The following CAMSAP3 variants were observed in gnomAD, a reference collection of about 807,000 sequenced individuals.
CAMSAP3 encodes the protein calmodulin regulated spectrin associated protein family member 3.
A neutral mutation model predicts 112.5 loss-of-function variants in CAMSAP3; 34 were observed. That is an observed-to-expected ratio of 0.30 (90% confidence interval 0.23 to 0.40). The LOEUF (loss-of-function observed/expected upper bound fraction) is 0.40. Among genes scored for constraint, CAMSAP3 ranks in the 10% least tolerant of loss-of-function variants. CAMSAP3 has a pLI of 1.00. For missense variants in CAMSAP3, 1,602 were observed against 1,770.3 expected, an observed-to-expected ratio of 0.90 and a Z score of 1.71; for synonymous variants, 868 against 799.8, an observed-to-expected ratio of 1.09 and a Z score of -1.44.
chr19:7,610,731 T>A lies in CAMSAP3; in HGVS notation c.932T>A (p.Phe311Tyr). ...VNLVVMLAEL[F>Y]MCFEVLKPDF... ...TTGGTGGTGATGCTGGCCGAGTTGT[T>A]CATGTGTTTTGAGGTGCTCAAGCCC... The change falls in exon 7 of 17, where the codon TTC (phenylalanine) becomes TAC (tyrosine). Residue 311 changes from phenylalanine to tyrosine, a missense_variant. This residue lies in a region of CAMSAP3 where 1,100 missense variants were observed against 1,135.7 expected (regional missense o/e 0.97). Transcript: ENST00000160298. The surrounding 1 kb of genome is among the most constrained non-coding windows in gnomAD (Gnocchi z 4.9). The A allele has an allele frequency of 6.2e-7, 1 of 1,614,022 alleles. No individual in the cohort carries two copies. Among genetic ancestry groups the A allele is most frequent in the Non-Finnish European group, 8.5e-7 (1 of 1,180,004 alleles).
At chr19:7,598,058 T>C (rs775628914) in intron 1 of CAMSAP3, among the ~76,000 whole-genome samples, 1 of 152,102 alleles carries the variant, frequency 6.6e-6, no homozygotes, top group Non-Finnish European at 1.5e-5. Flanking sequence ...ACCTATCAGG[T>C]GCTGGGCTGG....
At position 7,617,375 on chromosome 19, in the gene CAMSAP3, C is replaced by A. The variant is rs764541695; in HGVS notation, c.3262C>A (p.Arg1088Ser). The A allele has an allele frequency of 3.1e-6, 5 of 1,614,022 alleles. No homozygotes were observed. Among genetic ancestry groups the A allele is most frequent in the Non-Finnish European group, 4.2e-6 (5 of 1,180,022 alleles). The part of the protein sequence containing the change: ...LMSPSRLPGS[R>S]ERDWENGSNA... ...GTCCCCAAGCCGCCTGCCTGGAAGC[C>A]GCGAACGGGACTGGGAAAATGGCAG... Residue 1088 changes from arginine to serine, a missense_variant, in exon 15 of 17, where the codon CGC becomes AGC. Physicochemically the swap from Arg to Ser is moderately radical, Grantham distance 110. Coordinates refer to ENST00000160298, the MANE Select transcript of CAMSAP3 (RefSeq NM_020902.2). The surrounding 1 kb of genome is among the most constrained non-coding windows in gnomAD (Gnocchi z 7.5).
intron 1 of CAMSAP3, among the ~76,000 whole-genome samples, chr19:7,598,188 C>T (rs2024476283): frequency 6.6e-6 from 1 of 152,058 alleles, no homozygotes; most frequent in Non-Finnish European, 1.5e-5. Context: ...TTGAAATCTT[C>T]CAGGGAGGGA....
chr19:7,604,252 T>C (rs2030096614), intron 1 of CAMSAP3, among the ~76,000 whole-genome samples: 1 of 152,142 alleles, frequency 6.6e-6, no homozygotes, highest in Non-Finnish European at 1.5e-5. Context: ...CTCTCCACTC[T>C]TGGTCCTACG....
rs2030578846 is a variant in CAMSAP3 at position 7,612,861 on chromosome 19, C to T, written c.2368C>T (p.Arg790Trp). 2.5e-6 allele frequency: 4 copies of T among 1,599,826 alleles called. No homozygotes were observed. In the Admixed American group the frequency reaches 6.7e-5, roughly 27 times the overall value. ...SPKHTRPAELRLAPLTRVLTP... is the reference protein window; with the variant it reads ...SPKHTRPAELWLAPLTRVLTP... Reference sequence around the variant, plus strand: ...GAAACACACGCGGCCAGCGGAGCTGCGGCTGGCACCCTTGACCAGGGTGCT... The same window carrying T: ...GAAACACACGCGGCCAGCGGAGCTGTGGCTGGCACCCTTGACCAGGGTGCT... Residue 790 changes from arginine (R) to tryptophan (W), a missense_variant, in exon 11 of 17, where the codon CGG (arginine) becomes TGG (tryptophan). By Grantham distance (101) the Arg-to-Trp change is moderately radical. Around this residue, in one of 6 missense-constraint regions of CAMSAP3, gnomAD observed 1,100 missense variants for 1,135.7 expected, o/e 0.97. Coordinates refer to ENST00000160298, the MANE Select transcript of CAMSAP3 (RefSeq NM_020902.2).
rs777051660 is a variant in CAMSAP3, at chr19:7,617,448, G to A, written c.3325+10G>A. 11 of 1,613,016 alleles carry A rather than the reference G, an allele frequency of 6.8e-6. No individual in the cohort carries two copies. The highest frequency in any genetic ancestry group is 8.5e-6 in the Non-Finnish European group (10 of 1,179,196). The stretch of plus-strand genomic sequence containing the variant: ...GTGCCCGAGTACACAGGTAAGCAGG[G>A]GCTCTGGGTGATGTGAGGAGCAACA... On this transcript the variant is annotated intron_variant, in intron 15 of 16. Transcript: ENST00000160298. The surrounding 1 kb of genome is among the most constrained non-coding windows in gnomAD (Gnocchi z 7.5).
intron 11 of CAMSAP3, among the ~76,000 whole-genome samples, chr19:7,614,332 T>G (rs1432169205): frequency 5.8e-5 from 8 of 137,326 alleles, no homozygotes; most frequent in Non-Finnish European, 1.1e-4. Flanking sequence ...CATTTTTTTT[T>G]TTTGTTTTGT....
rs2030903121 is a variant in CAMSAP3, at chr19:7,617,953, G to A, written c.3646G>A (p.Ala1216Thr). 3 of 1,614,088 alleles carry A rather than the reference G, an allele frequency of 1.9e-6. No individual in the cohort carries two copies. Among genetic ancestry groups the A allele is most frequent in the Non-Finnish European group, 1.7e-6 (2 of 1,180,024 alleles). ...CCGCAAGCGCTTCACCCAGATCCCC[G>A]CCAAGACCATGTCCATGAGCGTCGA... ...SDRKRFTQIP[A>T]KTMSMSVDAF... The change falls in exon 17 of 17, where the codon GCC becomes ACC. Residue 1216 changes from alanine (A) to threonine (T), a missense_variant. Around this residue, in one of 6 missense-constraint regions of CAMSAP3, gnomAD observed 150 missense variants for 207.6 expected, o/e 0.72. Transcript: ENST00000160298. The surrounding 1 kb of genome is among the most constrained non-coding windows in gnomAD (Gnocchi z 7.5).
chr19:7,605,424 CTT>C lies in CAMSAP3; in HGVS notation c.349_350del (p.Leu117AlafsTer25). On this transcript the variant is annotated frameshift_variant, in exon 2 of 17. Coordinates refer to ENST00000160298, the MANE Select transcript of CAMSAP3 (RefSeq NM_020902.2). LOFTEE classifies it high-confidence loss of function. Reference sequence around the variant, plus strand: ...CTGGCGCGGAGGGGCACAGTGCCTGCTTTGCCCGAGCGCCCGGTGCGCGAGGC... The same window carrying C: ...CTGGCGCGGAGGGGCACAGTGCCTGCTGCCCGAGCGCCCGGTGCGCGAGGC... 6.8e-7 allele frequency: 1 copy of C among 1,472,292 alleles called. No homozygotes were observed. Among genetic ancestry groups the C allele is most frequent in the Non-Finnish European group, 9.0e-7 (1 of 1,108,240 alleles). 91.2% of individuals were successfully genotyped at this position (1,472,292 alleles called of 1,614,324 possible).
Position 7,602,122 on chromosome 19 carries a change from G to A in CAMSAP3, c.149-3104G>A, listed in dbSNP as rs944771636. Reference sequence around the variant, plus strand: ...AGTATAAGGCAGTGGTTCTCAACTGGTGATGATTTTGACACTTAATTGACA... The same window carrying A: ...AGTATAAGGCAGTGGTTCTCAACTGATGATGATTTTGACACTTAATTGACA... On this transcript the variant is annotated intron_variant, in intron 1 of 16. Transcript: ENST00000160298. 2.6e-5 allele frequency among the ~76,000 whole-genome samples: 4 copies of A among 152,296 alleles called. No homozygotes were observed. In the South Asian group the frequency reaches 8.3e-4, roughly 32 times the overall value.
In CAMSAP3 at chr19:7,595,886, GGCGGCGGCGGCGGCA is replaced by G. The variant is rs2146147639; in HGVS notation, c.-109_-95del. ...CCGCACCTGGCTCAGCAGCGGCGGCGGCGGCGGCGGCGGCAGCGGCGGTAGCAGCAGCGGGCCCGG... is the reference window on the plus strand; with the variant it reads ...CCGCACCTGGCTCAGCAGCGGCGGCGGCGGCGGTAGCAGCAGCGGGCCCGG... On this transcript the variant is annotated 5_prime_UTR_variant, in exon 1 of 17. Transcript: ENST00000160298. 5.0e-6 allele frequency: 2 copies of G among 402,048 alleles called. No homozygotes were observed. The highest frequency in any genetic ancestry group is 9.6e-5 in the South Asian group (1 of 10,468). 24.9% of individuals were successfully genotyped at this position (402,048 alleles called of 1,614,324 possible). A position where few individuals can be genotyped will look rare whatever the true frequency, so the allele number is the denominator to read the frequency against.
At chr19:7,606,156 A>ACCCCCCCCCC (rs57108239) in intron 2 of CAMSAP3, 115 bp from the exon 3 acceptor site, 5 of 227,818 alleles carry the variant, frequency 2.2e-5, no homozygotes, top group East Asian at 1.1e-4. Flanking sequence ...CTCAAGCCCC[A>ACCCCCCCCCC]CCCCCCCCGT....
Position 7,610,403 on chromosome 19 carries a change from C to G in CAMSAP3, c.761-73C>G. On this transcript the variant is annotated intron_variant, in intron 5 of 16. Coordinates refer to ENST00000160298, the MANE Select transcript of CAMSAP3 (RefSeq NM_020902.2). The surrounding 1 kb of genome is among the most constrained non-coding windows in gnomAD (Gnocchi z 4.9). ...GAGGTCTTCCGTGTGTGGGGGACTG[C>G]TGGTCCCTGGCTTCCCTGGGGCCCC... 13 of 1,423,574 alleles carry G rather than the reference C, an allele frequency of 9.1e-6. No individual in the cohort carries two copies. The highest frequency in any genetic ancestry group is 1.8e-4 in the Middle Eastern group (1 of 5,458). The allele number at this position is 1,423,574 out of a possible 1,614,324, so 88.2% of individuals were successfully genotyped here.
intron 1 of CAMSAP3, among the ~76,000 whole-genome samples, chr19:7,602,473 T>A (rs2030010020): frequency 6.6e-6 from 1 of 152,142 alleles, no homozygotes. Context: ...GAGCAAGACG[T>A]GCCCAAGGCC....
In CAMSAP3 at chr19:7,612,810, G is replaced by T; in HGVS notation, c.2317G>T (p.Gly773Trp). 6.5e-7 allele frequency: 1 copy of T among 1,546,708 alleles called. No individual in the cohort carries two copies. Among genetic ancestry groups the T allele is most frequent in the East Asian group, 2.5e-5 (1 of 40,738 alleles). Residue 773 changes from glycine to tryptophan, a missense_variant, in exon 11 of 17, where the codon GGG (glycine) becomes TGG (tryptophan). Physicochemically the swap from Gly to Trp is radical, Grantham distance 184. Coordinates refer to ENST00000160298, the MANE Select transcript of CAMSAP3 (RefSeq NM_020902.2). ...GGCCACCCGGCGCAGCCCTGGGCCC[G>T]GGCCCAGCCAGTCACCCCGCAGCCC... ...VPATRRSPGP[G>W]PSQSPRSPKH...
intron 1 of CAMSAP3, among the ~76,000 whole-genome samples, chr19:7,601,076 C>T (rs925673086): frequency 4.6e-5 from 7 of 151,940 alleles, no homozygotes; most frequent in African/African-American, 1.7e-4. Context: ...TGATCAGAAC[C>T]AAGATGTGCT....
In CAMSAP3 at chr19:7,612,773, C is replaced by T; in HGVS notation, c.2280C>T (p.Ala760=). 2 of 1,531,070 alleles carry T rather than the reference C, an allele frequency of 1.3e-6. No homozygotes were observed. Among genetic ancestry groups the T allele is most frequent in the Non-Finnish European group, 1.7e-6 (2 of 1,143,856 alleles). The allele number at this position is 1,531,070 out of a possible 1,614,324, so 94.8% of individuals were successfully genotyped here. A position where few individuals can be genotyped will look rare whatever the true frequency, so the allele number is the denominator to read the frequency against. The change falls in exon 11 of 17, where the codon GCC becomes GCT. Residue 760 remains alanine, a synonymous_variant. Coordinates refer to ENST00000160298, the MANE Select transcript of CAMSAP3 (RefSeq NM_020902.2). ...TGPKAASPSP[A]RRVPATRRSP... ...CCAAAGCTGCATCCCCCAGCCCCGC[C>T]CGGCGAGTCCCGGCCACCCGGCGCA...
chr19:7,616,953 T>TTTTG (rs1555763720), intron 14 of CAMSAP3, among the ~76,000 whole-genome samples: 196 of 131,950 alleles, frequency 1.5e-3, no homozygotes, highest in Admixed American at 2.1e-3. Context: ...TTTTTTTTTT[T>TTTTG]TTTTTGTTTT....
chr19:7,615,230 G>A lies in CAMSAP3; in HGVS notation c.2718G>A (p.Leu906=). 6.4e-7 allele frequency: 1 copy of A among 1,552,492 alleles called. No individual in the cohort carries two copies. The highest frequency in any genetic ancestry group is 8.7e-7 in the Non-Finnish European group (1 of 1,148,088). Residue 906 remains leucine, a synonymous_variant, in exon 12 of 17, where the codon CTG becomes CTA. Coordinates refer to ENST00000160298, the MANE Select transcript of CAMSAP3 (RefSeq NM_020902.2). This position sits in a 1 kb window ranked among gnomAD's most constrained non-coding sequence, Gnocchi z 6.5. ...AGATGGCCCAAAAGCGGGCCAGCCT[G>A]CTGGAGCGGCAGCAGCGGCGAGCAG... The part of the protein sequence containing the change: ...EDEMAQKRAS[L]LERQQRRAEE...
Sources: allele counts gnomAD v4.1 joint callset (sites outside exome capture counted in the v4.1 genomes callset), GRCh38; gene constraint gnomAD v4.1.1; regional missense constraint gnomAD v4.1.1; non-coding constraint Gnocchi (gnomAD v3.1); transcripts MANE v1.5; gene names NCBI Gene and HGNC (gene_info 2026-07-23, HGNC 2026-07-21).